EVA1C: variants seen among roughly 807,000 people sequenced by gnomAD.
The protein encoded by EVA1C is protein eva-1 homolog C.
In EVA1C, 25 loss-of-function variants were observed where a neutral mutation model predicts 45.4. The ratio of observed to expected loss-of-function variants is 0.55; its 90% CI spans 0.40 to 0.77. The LOEUF (loss-of-function observed/expected upper bound fraction) is 0.77, where lower values mean the gene tolerates loss of function less well. Ranked by LOEUF, EVA1C falls within the 30% of genes least tolerant of loss-of-function variation. The pLI, the probability that EVA1C is intolerant of heterozygous loss-of-function variation, is 0.00. For synonymous variants in EVA1C, 190 were observed against 221.2 expected, an observed-to-expected ratio of 0.86 and a Z score of 1.25; for missense variants, 479 against 554.8, an observed-to-expected ratio of 0.86 and a Z score of 1.37.
At chr21:32,475,886 T>C (rs1459292223) in intron 4 of EVA1C, among the ~76,000 whole-genome samples, 2 of 52,310 alleles carry the variant, frequency 3.8e-5, no homozygotes, top group Admixed American at 2.7e-4. Context: ...ACTTTATCTA[T>C]CTATCTATCT....
chr21:32,473,452 A>G (rs1488890499), intron 4 of EVA1C, among the ~76,000 whole-genome samples: 3 of 152,142 alleles, frequency 2.0e-5, no homozygotes, highest in Non-Finnish European at 2.9e-5. Context: ...ATGCTTTAAT[A>G]TCATCCACCT....
chr21:32,507,723 T>C (rs536592926), intron 7 of EVA1C, among the ~76,000 whole-genome samples: 1 of 151,524 alleles, frequency 6.6e-6, no homozygotes, highest in East Asian at 2.0e-4. Context: ...TGTGCATGTG[T>C]GTGCATACGT....
chr21:32,442,792 G>A lies in EVA1C; in HGVS notation c.161-10520G>A, dbSNP rs1414912331. ...AGGGGACTTTAGCACACCGATGTGG[G>A]GCCAGTGACTGATATTCTTATATCC... On this transcript the variant is annotated intron_variant, in intron 1 of 7. Transcript: ENST00000300255. Among the ~76,000 whole-genome samples the A allele has an allele frequency of 5.9e-5, 9 of 151,810 alleles. No homozygotes were observed. The East Asian group carries it at 1.6e-3, about 26-fold the overall frequency.
chr21:32,479,780 T>C (rs1322028877), intron 4 of EVA1C, among the ~76,000 whole-genome samples: 2 of 150,958 alleles, frequency 1.3e-5, no homozygotes, highest in African/African-American at 2.4e-5. Context: ...GTGAGACCCC[T>C]ATATCTACAA....
intron 7 of EVA1C, among the ~76,000 whole-genome samples, chr21:32,513,747 C>T (rs962392307): frequency 4.0e-5 from 6 of 151,392 alleles, no homozygotes; most frequent in Non-Finnish European, 1.5e-5. Flanking sequence ...CACCATGTTG[C>T]CCAAGCTGGT....
At chr21:32,450,568 T>A (rs1250459150) in intron 1 of EVA1C, among the ~76,000 whole-genome samples, 1 of 151,992 alleles carries the variant, frequency 6.6e-6, no homozygotes. Context: ...TGAAGAGATC[T>A]AAGTATAGGG....
chr21:32,480,300 CTT>C (rs1298104948), intron 4 of EVA1C, among the ~76,000 whole-genome samples: 2 of 45,436 alleles, frequency 4.4e-5, no homozygotes, highest in African/African-American at 2.7e-4. Context: ...GGCCCTGTCT[CTT>C]AAAAAAAAAA....
chr21:32,470,339 C>T (rs773555680), intron 4 of EVA1C, among the ~76,000 whole-genome samples: 6 of 152,180 alleles, frequency 3.9e-5, no homozygotes, highest in African/African-American at 1.2e-4. Context: ...GCCCTTGTGT[C>T]GAGAATGGTG....
At chr21:32,463,597 C>T (rs774783554) in intron 3 of EVA1C, among the ~76,000 whole-genome samples, 15 of 152,114 alleles carry the variant, frequency 9.9e-5, no homozygotes, top group South Asian at 2.1e-4. Flanking sequence ...GGGACGAAAT[C>T]GCTGGAGGCC....
At chr21:32,458,263 G>C (rs535042485) in intron 3 of EVA1C, among the ~76,000 whole-genome samples, 28 of 152,114 alleles carry the variant, frequency 1.8e-4, no homozygotes, top group Non-Finnish European at 3.5e-4. Flanking sequence ...CTTTTATTCT[G>C]ATTCTTGTTG....
At chr21:32,426,781 C>CA (rs1312563550) in intron 1 of EVA1C, among the ~76,000 whole-genome samples, 2 of 152,168 alleles carry the variant, frequency 1.3e-5, no homozygotes, top group Non-Finnish European at 2.9e-5. Flanking sequence ...CTCCCTCCAT[C>CA]ACCCCTTCAG....
intron 1 of EVA1C, among the ~76,000 whole-genome samples, chr21:32,441,662 C>G (rs777850010): frequency 6.6e-6 from 1 of 152,096 alleles, no homozygotes; most frequent in African/African-American, 2.4e-5. Flanking sequence ...CATATAAATA[C>G]ACAAGTGGAC....
intron 1 of EVA1C, among the ~76,000 whole-genome samples, chr21:32,424,195 C>G (rs1295940007): frequency 6.6e-6 from 1 of 152,204 alleles, no homozygotes; most frequent in Non-Finnish European, 1.5e-5. Context: ...ACCAAGTTAT[C>G]TCCTTTCTTT....
rs59132205 is a variant in EVA1C, at chr21:32,452,593, A to G, written c.161-719A>G. ...TTAGACCCTCTGCCTTATCACAAAG[A>G]CAGATGGCTTTCTGTATCCCAGGTT... On this transcript the variant is annotated intron_variant, in intron 1 of 7. Transcript: ENST00000300255. This position sits in a 1 kb window ranked among gnomAD's most constrained non-coding sequence, Gnocchi z 4.0. 0.15 allele frequency: 22,389 copies of G among 152,258 alleles called. 1,929 individuals are homozygous for G. The highest frequency in any genetic ancestry group is 0.25 in the East Asian group (1,304 of 5,174). 9.4% of individuals were successfully genotyped at this position (152,258 alleles called of 1,614,324 possible). A position where few individuals can be genotyped will look rare whatever the true frequency, so the allele number is the denominator to read the frequency against.
intron 4 of EVA1C, among the ~76,000 whole-genome samples, chr21:32,481,309 T>C (rs2036775936): frequency 6.6e-6 from 1 of 152,170 alleles, no homozygotes; most frequent in African/African-American, 2.4e-5. Flanking sequence ...CTTAAGGTTT[T>C]TTCTACTTAG....
intron 7 of EVA1C, among the ~76,000 whole-genome samples, chr21:32,510,316 A>G (rs964207287): frequency 1.3e-4 from 20 of 152,006 alleles, no homozygotes; most frequent in African/African-American, 4.3e-4. Context: ...CAGCCTCCCA[A>G]ACTGCTGGAA....
intron 1 of EVA1C, among the ~76,000 whole-genome samples, chr21:32,424,065 C>A (rs2034395971): frequency 6.6e-6 from 1 of 152,180 alleles, no homozygotes. Context: ...TTTTCCCCTG[C>A]AATGTGGGGG....
rs527826145 is a variant in EVA1C, at chr21:32,420,277, G to A, written c.160+7264G>A. On this transcript the variant is annotated intron_variant, in intron 1 of 7. Coordinates refer to ENST00000300255, the MANE Select transcript of EVA1C (RefSeq NM_058187.5). The stretch of plus-strand genomic sequence containing the variant: ...CCCAGCCACTCGGGAGGCTGAGGCA[G>A]GAGAATTGCTTGAGCCTGGGAAGCG... Among the ~76,000 whole-genome samples, 36 of 152,354 alleles carry A rather than the reference G, an allele frequency of 2.4e-4. No individual in the cohort carries two copies. In the East Asian group the frequency reaches 4.0e-3, roughly 17 times the overall value.
At chr21:32,424,787 A>C (rs1228446975) in intron 1 of EVA1C, among the ~76,000 whole-genome samples, 1 of 152,122 alleles carries the variant, frequency 6.6e-6, no homozygotes, top group Non-Finnish European at 1.5e-5. Flanking sequence ...GGTCCCTCTC[A>C]TCTGATTTCC....
Sources: gnomAD v4.1 joint callset for allele counts (sites outside exome capture counted in the v4.1 genomes callset) on GRCh38, gnomAD v4.1.1 for gene constraint, Gnocchi (gnomAD v3.1) non-coding constraint, MANE v1.5 for transcripts, NCBI Gene and HGNC (gene_info 2026-07-23, HGNC 2026-07-21) for gene names.